The following DYNC2H1 variants were observed in gnomAD, a reference collection of about 807,000 sequenced individuals.
DYNC2H1 encodes the protein dynein cytoplasmic 2 heavy chain 1, also known as cytoplasmic dynein 2 heavy chain 1.
A neutral mutation model predicts 570.0 loss-of-function variants in DYNC2H1; 410 were observed. That is an observed-to-expected ratio of 0.72 (90% CI 0.66 to 0.78). The LOEUF (loss-of-function observed/expected upper bound fraction) is 0.78, where lower values mean the gene tolerates loss of function less well. DYNC2H1 is among the 30% of genes least tolerant of loss of function. DYNC2H1 has a pLI of 0.00. For missense variants in DYNC2H1, 4,865 were observed against 5,046.4 expected, an observed-to-expected ratio of 0.96 and a Z score of 1.09; for synonymous variants, 1,688 against 1,677.6, an observed-to-expected ratio of 1.01 and a Z score of -0.15.
intron 82 of DYNC2H1, among the ~76,000 whole-genome samples, chr11:103,344,659 A>G (rs1366337639): frequency 1.3e-5 from 2 of 152,074 alleles, no homozygotes; most frequent in Non-Finnish European, 2.9e-5. Context: ...ACCTCCCCCA[A>G]CACTTAGTTC....
chr11:103,145,513 T>C lies in DYNC2H1; in HGVS notation c.2702+2118T>C, dbSNP rs1860196390. ...TACTGCTTCCTCTACTATTTTTTTG[T>C]CCCTTACTATAGATAGCTTTCCTAT... On this transcript the variant is annotated intron_variant, in intron 18 of 88. Transcript: ENST00000375735. The surrounding 1 kb of genome is among the most constrained non-coding windows in gnomAD (Gnocchi z 4.2). Among the ~76,000 whole-genome samples the C allele has an allele frequency of 6.6e-6, 1 of 152,014 alleles. No individual in the cohort carries two copies. The highest frequency in any genetic ancestry group is 2.4e-5 in the African/African-American group (1 of 41,390).
Position 103,189,378 on chromosome 11 carries a change from A to G in DYNC2H1, c.7293-294A>G, listed in dbSNP as rs938057041. Among the ~76,000 whole-genome samples, 2 of 152,138 alleles carry G rather than the reference A, an allele frequency of 1.3e-5. No homozygotes were observed. The highest frequency in any genetic ancestry group is 4.8e-5 in the African/African-American group (2 of 41,444). On this transcript the variant is annotated intron_variant, in intron 44 of 88. Transcript: ENST00000375735. This position sits in a 1 kb window ranked among gnomAD's most constrained non-coding sequence, Gnocchi z 4.3. ...TTATGTAACTCAAAAATGCTTTTCAAAAGTAAAATTTTCCTTTTGGTCTTT... is the reference window on the plus strand; with the variant it reads ...TTATGTAACTCAAAAATGCTTTTCAGAAGTAAAATTTTCCTTTTGGTCTTT...
At chr11:103,354,055 T>A (rs915658282) in intron 82 of DYNC2H1, among the ~76,000 whole-genome samples, 1 of 151,442 alleles carries the variant, frequency 6.6e-6, no homozygotes, top group South Asian at 2.1e-4. Context: ...CGCATGACTG[T>A]AATCCCAGCT....
intron 25 of DYNC2H1, 132 bp from the exon 26 acceptor site, chr11:103,156,256 A>C (rs984460458): frequency 1.2e-6 from 1 of 866,308 alleles, no homozygotes; most frequent in Non-Finnish European, 1.7e-6. Flanking sequence ...AAATAGAGCC[A>C]CTTAACTTTT....
At chr11:103,110,826 T>C (rs935780573) in intron 1 of DYNC2H1, among the ~76,000 whole-genome samples, 1 of 152,078 alleles carries the variant, frequency 6.6e-6, no homozygotes, top group East Asian at 1.9e-4. Context: ...AGTGCCTTTT[T>C]TTTTTTTTTT....
Position 103,135,863 on chromosome 11 carries a change from A to G in DYNC2H1, c.2489A>G (p.Asp830Gly), listed in dbSNP as rs1464814070. 2 of 1,612,970 alleles carry G rather than the reference A, an allele frequency of 1.2e-6. No individual in the cohort carries two copies. The highest frequency in any genetic ancestry group is 1.3e-5 in the African/African-American group (1 of 74,908). The stretch of plus-strand genomic sequence containing the variant: ...GAATCTATTTTTTCTATTATGATTG[A>G]TAGAAATGCAAGTGGATTTTTGACG... The part of the protein sequence containing the change: ...GDESIFSIMI[D>G]RNASGFLTIF... Residue 830 changes from aspartate to glycine, a missense_variant, in exon 17 of 89, where the codon GAT becomes GGT. Coordinates refer to ENST00000375735, the MANE Select transcript of DYNC2H1 (RefSeq NM_001377.3).
At position 103,257,790 on chromosome 11, in the gene DYNC2H1, AG is replaced by A. The variant is rs1465296047; in HGVS notation, c.10605+42del. On this transcript the variant is annotated intron_variant, in intron 69 of 88. Coordinates refer to ENST00000375735, the MANE Select transcript of DYNC2H1 (RefSeq NM_001377.3). ...TACCCTGTACCAGAGACTGAATTAC[AG>A]GGATTACTTTACTAGGGATAGTACT... is the stretch of plus-strand genomic sequence containing the variant. The A allele has an allele frequency of 3.4e-6, 5 of 1,463,006 alleles. No homozygotes were observed. In the Admixed American group the frequency reaches 1.1e-4, roughly 34 times the overall value. 90.6% of individuals were successfully genotyped at this position (1,463,006 alleles called of 1,614,324 possible).
At position 103,334,807 on chromosome 11, in the gene DYNC2H1, C is replaced by T. The variant is rs1167661710; in HGVS notation, c.12039+10817C>T. 6.6e-6 allele frequency among the ~76,000 whole-genome samples: 1 copy of T among 152,042 alleles called. No individual in the cohort carries two copies. Among genetic ancestry groups the T allele is most frequent in the Non-Finnish European group, 1.5e-5 (1 of 67,962 alleles). Reference sequence around the variant, plus strand: ...GAACAAAGACCACAGTAGACTACTACAGTATGATAGTTTTGCAGAATACAA... The same window carrying T: ...GAACAAAGACCACAGTAGACTACTATAGTATGATAGTTTTGCAGAATACAA... On this transcript the variant is annotated intron_variant, in intron 82 of 88. Coordinates refer to ENST00000375735, the MANE Select transcript of DYNC2H1 (RefSeq NM_001377.3). The surrounding 1 kb of genome is among the most constrained non-coding windows in gnomAD (Gnocchi z 4.3).
intron 83 of DYNC2H1, among the ~76,000 whole-genome samples, chr11:103,385,849 C>G (rs1180035962): frequency 2.0e-5 from 3 of 152,140 alleles, no homozygotes; most frequent in Non-Finnish European, 4.4e-5. Context: ...AACCATTTTT[C>G]TCTACCCCTT....
intron 87 of DYNC2H1, 46 bp downstream of exon 87, chr11:103,456,402 C>G: frequency 6.8e-7 from 1 of 1,469,670 alleles, no homozygotes; most frequent in Non-Finnish European, 9.3e-7. Context: ...TTATCACCAA[C>G]TGATATAAGA....
At chr11:103,354,188 A>AT (rs1380498178) in intron 82 of DYNC2H1, among the ~76,000 whole-genome samples, 1 of 150,858 alleles carries the variant, frequency 6.6e-6, no homozygotes, top group African/African-American at 2.4e-5. Context: ...AAACAAAAAA[A>AT]AAAAAAAAAA....
Position 103,256,323 on chromosome 11 carries a change from C to T in DYNC2H1, c.10461+83C>T, listed in dbSNP as rs1462859836. On this transcript the variant is annotated intron_variant, in intron 68 of 88. Coordinates refer to ENST00000375735, the MANE Select transcript of DYNC2H1 (RefSeq NM_001377.3). The surrounding 1 kb of genome is among the most constrained non-coding windows in gnomAD (Gnocchi z 4.0). The stretch of plus-strand genomic sequence containing the variant: ...ATGATAGAAAATGTAGAATCAGGTC[C>T]TCAGGGGAAAGATGATGTGAAAAGA... 3 of 1,342,200 alleles carry T rather than the reference C, an allele frequency of 2.2e-6. No individual in the cohort carries two copies. Among genetic ancestry groups the T allele is most frequent in the Non-Finnish European group, 3.0e-6 (3 of 986,062 alleles). 83.1% of individuals were successfully genotyped at this position (1,342,200 alleles called of 1,614,324 possible).
chr11:103,223,385 G>GT (rs1457293951), intron 59 of DYNC2H1, among the ~76,000 whole-genome samples: 3 of 151,744 alleles, frequency 2.0e-5, no homozygotes, highest in Non-Finnish European at 4.4e-5. Context: ...TGTTGTTGTC[G>GT]TTTTTTGTTT....
intron 88 of DYNC2H1, among the ~76,000 whole-genome samples, chr11:103,470,669 G>C (rs1945348705): frequency 1.3e-5 from 2 of 152,124 alleles, no homozygotes; most frequent in Non-Finnish European, 1.5e-5. Context: ...TGTGGTGTTT[G>C]GTTTTATGTC....
chr11:103,303,588 GC>G (rs1256841192), intron 76 of DYNC2H1, among the ~76,000 whole-genome samples: 2 of 152,076 alleles, frequency 1.3e-5, no homozygotes, highest in Admixed American at 1.3e-4. Context: ...GTGAGAAGGT[GC>G]TGTGCTACTG....
rs1180768969 is a variant in DYNC2H1 at position 103,455,321 on chromosome 11, A to G, written c.12566+26A>G. On this transcript the variant is annotated intron_variant, in intron 86 of 88. Transcript: ENST00000375735. ...GTAATTAAAATGAAATACTTTACCT[A>G]TTTGTCCCTGACGGTAATTAGTTTT... 5.0e-6 allele frequency: 8 copies of G among 1,589,344 alleles called. No individual in the cohort carries two copies. The East Asian group carries it at 6.7e-5, about 13-fold the overall frequency.
In DYNC2H1 at chr11:103,186,037, A is replaced by G. The variant is rs1862052129; in HGVS notation, c.6634-205A>G. On this transcript the variant is annotated intron_variant, in intron 41 of 88. Transcript: ENST00000375735. This position sits in a 1 kb window ranked among gnomAD's most constrained non-coding sequence, Gnocchi z 4.5. ...TATCCACTATGTCATTATCTCCTAT[A>G]TATACTTTAATTTACTTGCATAAAT... Among the ~76,000 whole-genome samples the G allele has an allele frequency of 6.6e-6, 1 of 152,014 alleles. No individual in the cohort carries two copies. Among genetic ancestry groups the G allele is most frequent in the African/African-American group, 2.4e-5 (1 of 41,426 alleles).
intron 87 of DYNC2H1, among the ~76,000 whole-genome samples, chr11:103,466,797 T>C (rs1361100139): frequency 1.3e-5 from 2 of 152,202 alleles, no homozygotes; most frequent in Non-Finnish European, 2.9e-5. Context: ...TAAATTCTTA[T>C]ATATGACAAG....
intron 70 of DYNC2H1, among the ~76,000 whole-genome samples, chr11:103,272,438 G>C (rs1324314713): frequency 6.6e-6 from 1 of 152,140 alleles, no homozygotes; most frequent in Admixed American, 6.5e-5. Flanking sequence ...TGGGGGGATG[G>C]GGGAGGGATA....
Sources: gnomAD v4.1 joint callset for allele counts (sites outside exome capture counted in the v4.1 genomes callset) on GRCh38, gnomAD v4.1.1 for gene constraint, Gnocchi (gnomAD v3.1) non-coding constraint, MANE v1.5 for transcripts, NCBI Gene and HGNC (gene_info 2026-07-23, HGNC 2026-07-21) for gene names.